CDC42SE2: variants seen among roughly 807,000 people sequenced by gnomAD.
CDC42SE2 encodes CDC42 small effector protein 2.
CDC42SE2 carries 3 observed loss-of-function variants against 11.5 expected under a neutral mutation model. That is an observed-to-expected ratio of 0.26 (90% CI 0.12 to 0.67). The LOEUF is 0.67. CDC42SE2 is among the 30% of genes least tolerant of loss of function. The pLI is 0.80. For missense variants in CDC42SE2, 82 were observed against 106.8 expected (o/e 0.77, Z 1.02); for synonymous variants, 33 against 34.8 (o/e 0.95, Z 0.18).
intron 1 of CDC42SE2, among the ~76,000 whole-genome samples, chr5:131,298,366 C>A (rs890542724): frequency 4.6e-5 from 7 of 152,090 alleles, no homozygotes; most frequent in Middle Eastern, 3.4e-3. Flanking sequence ...AGGTGATCCA[C>A]CCGCCTTGGC....
intron 1 of CDC42SE2, among the ~76,000 whole-genome samples, chr5:131,277,353 A>G (rs530782058): frequency 6.6e-6 from 1 of 152,340 alleles, no homozygotes; most frequent in East Asian, 1.9e-4. Context: ...TAAGTAATCA[A>G]AGTGGTCATA....
At chr5:131,310,938 T>A (rs915038747) in intron 1 of CDC42SE2, among the ~76,000 whole-genome samples, 1 of 151,852 alleles carries the variant, frequency 6.6e-6, no homozygotes, top group South Asian at 2.1e-4. Context: ...TTAGTCCATT[T>A]ACATTTAAAG....
intron 1 of CDC42SE2, among the ~76,000 whole-genome samples, chr5:131,310,666 T>A (rs1200690078): frequency 1.3e-5 from 2 of 152,120 alleles, no homozygotes; most frequent in Non-Finnish European, 2.9e-5. Context: ...GATAGTTAGC[T>A]CTTCTTGTTG....
chr5:131,280,622 A>G (rs1380108392), intron 1 of CDC42SE2, among the ~76,000 whole-genome samples: 2 of 152,186 alleles, frequency 1.3e-5, no homozygotes, highest in East Asian at 1.9e-4. Flanking sequence ...CCCTCTTACC[A>G]TTGCACAATA....
At chr5:131,339,879 G>A (rs545135415) in intron 2 of CDC42SE2, among the ~76,000 whole-genome samples, 6 of 151,470 alleles carry the variant, frequency 4.0e-5, no homozygotes, top group Non-Finnish European at 8.8e-5. Context: ...ATTAATAGGT[G>A]GGTTAAATAG....
chr5:131,214,693 G>GA, the CDC42SE2 span, among the ~76,000 whole-genome samples: 2 of 152,190 alleles, frequency 1.3e-5, no homozygotes, highest in Non-Finnish European at 2.9e-5. Flanking sequence ...GCCTGGAGCT[G>GA]AAATAGCCTT....
At chr5:131,237,016 C>G in the CDC42SE2 span, among the ~76,000 whole-genome samples, 1 of 152,180 alleles carries the variant, frequency 6.6e-6, no homozygotes, top group Non-Finnish European at 1.5e-5. Flanking sequence ...TATTTTTCCA[C>G]ATAAACTTTA....
intron 2 of CDC42SE2, among the ~76,000 whole-genome samples, chr5:131,342,868 A>C (rs1417172764): frequency 1.3e-5 from 2 of 151,302 alleles, no homozygotes; most frequent in Non-Finnish European, 2.9e-5. Context: ...ATGTGCCGCC[A>C]CACCTGGCGA....
intron 1 of CDC42SE2, among the ~76,000 whole-genome samples, chr5:131,310,014 G>C (rs183991226): frequency 0.035 from 5,327 of 151,978 alleles, 311 homozygotes; most frequent in African/African-American, 0.12. Flanking sequence ...GCTCTTGCTT[G>C]TCTAGTTCTT....
At chr5:131,315,059 T>C (rs553498887) in intron 1 of CDC42SE2, among the ~76,000 whole-genome samples, 2 of 152,240 alleles carry the variant, frequency 1.3e-5, no homozygotes, top group South Asian at 4.2e-4. Context: ...TATGTGGGAC[T>C]TTATGTTTGT....
the CDC42SE2 span, among the ~76,000 whole-genome samples, chr5:131,234,678 AAGAGAAGATTTGTTAT>A: frequency 1.3e-5 from 2 of 151,986 alleles, no homozygotes; most frequent in South Asian, 4.2e-4. Context: ...TAGATAGATA[AAGAGAAGATTTGTTAT>A]GGGAATTGGC....
At chr5:131,327,355 A>G (rs2149738469) in intron 2 of CDC42SE2, among the ~76,000 whole-genome samples, 1 of 152,254 alleles carries the variant, frequency 6.6e-6, no homozygotes, top group African/African-American at 2.4e-5. Flanking sequence ...ATTTTAGATC[A>G]CTTTTTATGG....
intron 1 of CDC42SE2, among the ~76,000 whole-genome samples, chr5:131,312,816 A>G (rs367979378): frequency 6.6e-6 from 1 of 151,972 alleles, no homozygotes. Context: ...CGGTGTGCGC[A>G]CCCACTGACC....
At chr5:131,265,205 T>C (rs1358115730) in intron 1 of CDC42SE2, among the ~76,000 whole-genome samples, 1 of 152,228 alleles carries the variant, frequency 6.6e-6, no homozygotes, top group Non-Finnish European at 1.5e-5. Flanking sequence ...ATTATGAACA[T>C]AGAAAATATA....
At chr5:131,253,081 T>A (rs1756654013) in intron 1 of CDC42SE2, 1 of 152,250 alleles carries the variant, frequency 6.6e-6, no homozygotes, top group African/African-American at 2.4e-5. Context: ...GGGCAGAGTC[T>A]GCATGTGGCT....
intron 1 of CDC42SE2, among the ~76,000 whole-genome samples, chr5:131,313,196 A>G (rs140036588): frequency 6.6e-6 from 1 of 151,776 alleles, no homozygotes; most frequent in Non-Finnish European, 1.5e-5. Flanking sequence ...GTTAGCCAGG[A>G]TGGTCTCCAT....
At chr5:131,259,368 G>T (rs535185805), upstream of CDC42SE2, among the ~76,000 whole-genome samples, 6 of 152,076 alleles carry the variant, frequency 3.9e-5, no homozygotes, top group South Asian at 1.2e-3. Context: ...TATATCTTTA[G>T]GAAAAAAATA....
chr5:131,280,630 A>G (rs1039259504), intron 1 of CDC42SE2, among the ~76,000 whole-genome samples: 6 of 152,176 alleles, frequency 3.9e-5, no homozygotes, highest in East Asian at 3.8e-4. Context: ...CCATTGCACA[A>G]TAGCCTGATT....
chr5:131,275,891 C>T (rs182274354), intron 1 of CDC42SE2, among the ~76,000 whole-genome samples: 6 of 151,218 alleles, frequency 4.0e-5, no homozygotes, highest in East Asian at 1.9e-4. Context: ...AAAAAAAAAG[C>T]GTATATTTAT....
Sources: gnomAD v4.1 joint callset for allele counts (sites outside exome capture counted in the v4.1 genomes callset) on GRCh38, gnomAD v4.1.1 for gene constraint, MANE v1.5 for transcripts, NCBI Gene and HGNC (gene_info 2026-07-23, HGNC 2026-07-21) for gene names.